AGRN: variants seen among roughly 807,000 people sequenced by gnomAD.
AGRN encodes agrin proteoglycan.
AGRN carries 106 observed loss-of-function variants against 211.0 expected under a neutral mutation model. The observed-to-expected ratio is 0.50, with a 90% CI of 0.43 to 0.59. AGRN has a LOEUF of 0.59. AGRN is among the 20% of genes least tolerant of loss of function. The pLI is 0.00. For synonymous variants in AGRN, 1,525 were observed against 1,332.5 expected (o/e 1.14, Z -3.15); for missense variants, 3,040 against 2,982.6 (o/e 1.02, Z -0.45).
chr1:1,033,271 T>G (rs1342621836), intron 2 of AGRN, among the ~76,000 whole-genome samples: 10 of 151,828 alleles, frequency 6.6e-5, no homozygotes, highest in South Asian at 4.1e-4. Flanking sequence ...GCCGCTCACC[T>G]CACTCCACCC....
At chr1:1,034,468 G>C in intron 2 of AGRN, 2 of 985,670 alleles carry the variant, frequency 2.0e-6, no homozygotes, top group Non-Finnish European at 2.4e-6. Flanking sequence ...GTCCCAGGAT[G>C]GGGCGAGCAG....
At chr1:1,046,289 C>T in intron 17 of AGRN, 24 bp downstream of exon 17, 1 of 1,612,856 alleles carries the variant, frequency 6.2e-7, no homozygotes, top group Non-Finnish European at 8.5e-7. Context: ...GCCACTGCCC[C>T]AGAACTGACC....
intron 2 of AGRN, among the ~76,000 whole-genome samples, chr1:1,033,622 C>T (rs944717079): frequency 3.3e-5 from 4 of 119,712 alleles, no homozygotes; most frequent in Admixed American, 2.6e-4. Flanking sequence ...CAGCCTCAGT[C>T]CCACCCCCGG....
rs990202949 is a variant in AGRN, at chr1:1,025,287, G to A, written c.463+2825G>A. On this transcript the variant is annotated intron_variant, in intron 2 of 35. Coordinates refer to ENST00000379370, the MANE Select transcript of AGRN (RefSeq NM_198576.4). ...GTCCCGGCGGCCTAGTCCCGGGCCC[G>A]CCTGTATTCCGGCGTGTGCACCCTC... 4.6e-5 allele frequency among the ~76,000 whole-genome samples: 7 copies of A among 152,140 alleles called. 1 individual carries two copies. Among genetic ancestry groups the A allele is most frequent in the South Asian group, 2.1e-4 (1 of 4,836 alleles).
In AGRN at chr1:1,036,878, G is replaced by A. The variant is rs3121576; in HGVS notation, c.511+1554G>A. Among the ~76,000 whole-genome samples, 3 of 152,264 alleles carry A rather than the reference G, an allele frequency of 2.0e-5. No homozygotes were observed. The South Asian group carries it at 6.2e-4, about 32-fold the overall frequency. Reference sequence around the variant, plus strand: ...TTGCTGTCCCCCTTCCTGAGACTCAGGAGCCCTGTGGGTCAGGGCAGCACA... The same window carrying A: ...TTGCTGTCCCCCTTCCTGAGACTCAAGAGCCCTGTGGGTCAGGGCAGCACA... On this transcript the variant is annotated intron_variant, in intron 3 of 35. Transcript: ENST00000379370.
At chr1:1,029,628 CATGTGT>C (rs1557688097) in intron 2 of AGRN, among the ~76,000 whole-genome samples, 3 of 94,126 alleles carry the variant, frequency 3.2e-5, no homozygotes, top group African/African-American at 4.3e-5. Context: ...GTGAGATCAG[CATGTGT>C]GTGTGTGTGT....
intron 3 of AGRN, among the ~76,000 whole-genome samples, chr1:1,037,187 C>T (rs1185038603): frequency 6.6e-6 from 1 of 152,172 alleles, no homozygotes; most frequent in Admixed American, 6.5e-5. Context: ...GCAAGAACTG[C>T]GTTTCCACCA....
At position 1,044,370 on chromosome 1, in the gene AGRN, T is replaced by C; in HGVS notation, c.2185T>C (p.Cys729Arg). ...GSDGVTYSTE[C>R]ELKKARCESQ... ...AGATGGGGTCACCTACAGCACCGAG[T>C]GTGAGCTGAAGAAGGCCAGGTGTGA... Residue 729 changes from cysteine to arginine, a missense_variant, in exon 12 of 36, where the codon TGT (cysteine) becomes CGT (arginine). By Grantham distance (180) the Cys-to-Arg change is radical. This residue lies in a region of AGRN where 1,498 missense variants were observed against 1,457.8 expected (regional missense o/e 1.03). Coordinates refer to ENST00000379370, the MANE Select transcript of AGRN (RefSeq NM_198576.4). 1 of 1,612,346 alleles carries C rather than the reference T, an allele frequency of 6.2e-7. No homozygotes were observed. The highest frequency in any genetic ancestry group is 8.5e-7 in the Non-Finnish European group (1 of 1,179,734).
intron 2 of AGRN, among the ~76,000 whole-genome samples, chr1:1,024,972 G>A (rs1005253102): frequency 7.9e-5 from 12 of 152,058 alleles, no homozygotes; most frequent in Non-Finnish European, 1.6e-4. Context: ...GGCTGAGCGG[G>A]CGACTCCTCC....
intron 3 of AGRN, among the ~76,000 whole-genome samples, chr1:1,037,163 CG>C (rs1644822225): frequency 6.6e-6 from 1 of 152,144 alleles, no homozygotes. Flanking sequence ...TGGCTGGGGC[CG>C]GGCAGGGCCA....
In AGRN at chr1:1,049,033, G is replaced by C. The variant is rs201470321; in HGVS notation, c.4272G>C (p.Ala1424=). The change falls in exon 24 of 36, where the codon GCG becomes GCC. Residue 1424 remains alanine (A), a synonymous_variant. Transcript: ENST00000379370. ...NARGKDFLAL[A]LLDGRVQLRF... ...GGGGCAAGGACTTCCTGGCATTGGC[G>C]CTGCTAGATGGCCGCGTGCAGCTCA... 1 of 1,571,050 alleles carries C rather than the reference G, an allele frequency of 6.4e-7. No individual in the cohort carries two copies. The highest frequency in any genetic ancestry group is 8.6e-7 in the Non-Finnish European group (1 of 1,160,440).
At chr1:1,040,598 C>T (rs1167205002) in intron 3 of AGRN, 67 bp from the exon 4 acceptor site, 98 of 1,526,332 alleles carry the variant, frequency 6.4e-5, no homozygotes, top group Non-Finnish European at 3.5e-6. Context: ...ACGGCAAGGT[C>T]TCTCAGGCTT....
At chr1:1,028,219 C>T (rs1457109613) in intron 2 of AGRN, among the ~76,000 whole-genome samples, 10 of 151,804 alleles carry the variant, frequency 6.6e-5, no homozygotes, top group Admixed American at 1.3e-4. Context: ...AGGGCTGGGG[C>T]GCAGTCGTCA....
chr1:1,025,985 G>T (rs367553588), intron 2 of AGRN, among the ~76,000 whole-genome samples: 4 of 149,888 alleles, frequency 2.7e-5, no homozygotes, highest in Non-Finnish European at 5.9e-5. Context: ...GCCTTGGCCT[G>T]GGGGGGGGCT....
At chr1:1,026,756 G>A (rs1644529548) in intron 2 of AGRN, among the ~76,000 whole-genome samples, 1 of 152,192 alleles carries the variant, frequency 6.6e-6, no homozygotes, top group South Asian at 2.1e-4. Context: ...CCTCAGGATG[G>A]AACCCCGGGG....
Position 1,049,464 on chromosome 1 carries a change from G to C in AGRN, c.4514+13G>C. On this transcript the variant is annotated intron_variant, in intron 25 of 35. Transcript: ENST00000379370. ...ACCAGGCTGCCGTGTGAGTCCCTTG[G>C]AGGGTGGTGTGGCCCCGACCCCGGC... 1 of 1,600,484 alleles carries C rather than the reference G, an allele frequency of 6.2e-7. No individual in the cohort carries two copies. The highest frequency in any genetic ancestry group is 8.5e-7 in the Non-Finnish European group (1 of 1,179,612).
Position 1,044,542 on chromosome 1 carries a change from C to T in AGRN, c.2254+103C>T, listed in dbSNP as rs34403405. 3.5e-3 allele frequency: 4,313 copies of T among 1,222,218 alleles called. 16 individuals carry two copies. The highest frequency in any genetic ancestry group is 4.6e-3 in the Non-Finnish European group (3,960 of 864,934). The allele number at this position is 1,222,218 out of a possible 1,614,324, so 75.7% of individuals were successfully genotyped here. A position where few individuals can be genotyped will look rare whatever the true frequency, so the allele number is the denominator to read the frequency against. ...GTGTGCTGCGTTGGGCCCCTGTGGA[C>T]GTGTGTATTGTGTTGTAAGTGAGCA... is the stretch of plus-strand genomic sequence containing the variant. On this transcript the variant is annotated intron_variant, in intron 12 of 35. Transcript: ENST00000379370.
chr1:1,049,077 G>C lies in AGRN; in HGVS notation c.4298+18G>C, dbSNP rs531723104. On this transcript the variant is annotated intron_variant, in intron 24 of 35. Coordinates refer to ENST00000379370, the MANE Select transcript of AGRN (RefSeq NM_198576.4). ...CAGCTCAGGTGGGCGGGGAGGGGAC[G>C]GGGCCGGGGCAGCTCAGGTGGGCGG... 954 of 1,475,254 alleles carry C rather than the reference G, an allele frequency of 6.5e-4. 14 individuals carry two copies. In the South Asian group the frequency reaches 0.012, roughly 18 times the overall value. The allele number at this position is 1,475,254 out of a possible 1,614,324, so 91.4% of individuals were successfully genotyped here. A position where few individuals can be genotyped will look rare whatever the true frequency, so the allele number is the denominator to read the frequency against.
In AGRN at chr1:1,050,708, G is replaced by A. The variant is rs761859422; in HGVS notation, c.5142-18G>A. On this transcript the variant is annotated intron_variant, in intron 29 of 35. Coordinates refer to ENST00000379370, the MANE Select transcript of AGRN (RefSeq NM_198576.4). ...CCGGTGGTGGACAGAGCCCACTCAC[G>A]CTGCCCCTCCTCACCAGGAGCAGGG... 10 of 1,599,742 alleles carry A rather than the reference G, an allele frequency of 6.3e-6. No individual in the cohort carries two copies. Among genetic ancestry groups the A allele is most frequent in the Middle Eastern group, 2.1e-4 (1 of 4,768 alleles).
Sources: gnomAD v4.1 joint callset for allele counts (sites outside exome capture counted in the v4.1 genomes callset) on GRCh38, gnomAD v4.1.1 for gene constraint, gnomAD v4.1.1 regional missense constraint, MANE v1.5 for transcripts, NCBI Gene and HGNC (gene_info 2026-07-23, HGNC 2026-07-21) for gene names.